STEAP4: variants seen among roughly 807,000 people sequenced by gnomAD.
The protein encoded by STEAP4 is STEAP4 metalloreductase, also known as metalloreductase STEAP4.
A neutral mutation model predicts 43.6 loss-of-function variants in STEAP4; 36 were observed. The observed-to-expected ratio is 0.83, with a 90% CI of 0.63 to 1.09. The LOEUF (loss-of-function observed/expected upper bound fraction) is 1.09. Among genes scored for constraint, STEAP4 ranks in the 50% least tolerant of loss-of-function variants. The probability of loss-of-function intolerance (pLI) is 0.00; values close to 1 mark genes in which losing one functional copy is unlikely to be tolerated. For missense variants in STEAP4, 495 were observed against 546.5 expected, an observed-to-expected ratio of 0.91 and a Z score of 0.94; for synonymous variants, 191 against 196.7, an observed-to-expected ratio of 0.97 and a Z score of 0.24.
intron 2 of STEAP4, 140 bp from the exon 3 acceptor site, chr7:88,283,308 A>T: frequency 1.1e-6 from 1 of 913,988 alleles, no homozygotes; most frequent in Non-Finnish European, 1.6e-6. Context: ...TAGAATTAAC[A>T]TATGTAACAA....
In STEAP4 at chr7:88,273,010, G is replaced by A. The variant is rs1201693277; in HGVS notation, c.*6388C>T. 6.6e-6 allele frequency: 1 copy of A among 152,178 alleles called. No homozygotes were observed. Among genetic ancestry groups the A allele is most frequent in the South Asian group, 2.1e-4 (1 of 4,828 alleles). The allele number at this position is 152,178 out of a possible 1,614,324, so 9.4% of individuals were successfully genotyped here. A position where few individuals can be genotyped will look rare whatever the true frequency, so the allele number is the denominator to read the frequency against. ...TTTCTAAAACTGACAAATAACAGTT[G>A]TACATATCCATGAGGTACATAGTCA... On this transcript the variant is annotated 3_prime_UTR_variant, in exon 5 of 5. Transcript: ENST00000380079.
intron 1 of STEAP4, among the ~76,000 whole-genome samples, chr7:88,305,914 AT>A (rs1215946761): frequency 6.6e-6 from 1 of 152,046 alleles, no homozygotes; most frequent in African/African-American, 2.4e-5. Flanking sequence ...CCCCTCCCCC[AT>A]TCTCTATCCA....
rs367676193 is a variant in STEAP4, at chr7:88,281,065, C to T, written c.999G>A (p.Lys333=). Residue 333 remains lysine, a synonymous_variant, in exon 4 of 5, where the codon AAG becomes AAA. Transcript: ENST00000380079. ...CTGAGGAGGTGCTAAATGGATTCTCCTTCTTGAGTATTGCCTAAGAAAAAT... is the reference window on the plus strand; with the variant it reads ...CTGAGGAGGTGCTAAATGGATTCTCTTTCTTGAGTATTGCCTAAGAAAAAT... ...NLTVTQAILK[K]ENPFSTSSAW... 4.5e-5 allele frequency: 72 copies of T among 1,587,444 alleles called. No homozygotes were observed. Among genetic ancestry groups the T allele is most frequent in the Non-Finnish European group, 6.1e-5 (72 of 1,171,318 alleles).
At chr7:88,282,218 G>A (rs43129) in intron 3 of STEAP4, 39,739 of 156,786 alleles carry the variant, frequency 0.25, 6,065 homozygotes, top group East Asian at 0.77. Context: ...GCACGATCTC[G>A]GCTCACTGCA....
rs56919832 is a variant in STEAP4, at chr7:88,286,581, G to A, written c.-2-2310C>T. 9.5e-3 allele frequency among the ~76,000 whole-genome samples: 1,445 copies of A among 152,184 alleles called. 20 individuals are homozygous for A. Among genetic ancestry groups the A allele is most frequent in the South Asian group, 0.058 (282 of 4,824 alleles). ...ATAACTCAGGGCTGGGCATGGAGGCGCACGCCTATAGTCCCAGCTACTCTG... is the reference window on the plus strand; with the variant it reads ...ATAACTCAGGGCTGGGCATGGAGGCACACGCCTATAGTCCCAGCTACTCTG... On this transcript the variant is annotated intron_variant, in intron 1 of 4. Coordinates refer to ENST00000380079, the MANE Select transcript of STEAP4 (RefSeq NM_024636.4).
chr7:88,306,022 C>T (rs1013525208), intron 1 of STEAP4, among the ~76,000 whole-genome samples: 7 of 152,198 alleles, frequency 4.6e-5, no homozygotes, highest in Non-Finnish European at 8.8e-5. Context: ...GCACCTGCCA[C>T]CACGCCTGGC....
In STEAP4 at chr7:88,285,688, C is replaced by T. The variant is rs114625171; in HGVS notation, c.-2-1417G>A. Among the ~76,000 whole-genome samples the T allele has an allele frequency of 5.4e-3, 788 of 147,108 alleles. 8 individuals carry two copies. Among genetic ancestry groups the T allele is most frequent in the African/African-American group, 0.018 (730 of 39,838 alleles). ...AAAATTAGCTGGGTGTGTTGACACG[C>T]GCCTGTAATCTCAGCTACTCAGGAG... On this transcript the variant is annotated intron_variant, in intron 1 of 4. Transcript: ENST00000380079.
At position 88,284,253 on chromosome 7, in the gene STEAP4, A is replaced by G. The variant is rs762602189; in HGVS notation, c.17T>C (p.Ile6Thr). ...ATTCATAGTAAGAGGAAGTGCATCT[A>G]TACAAGTTTTCTCCATAACTGAAAA... MEKTC[I>T]DALPLTMNSS... The change falls in exon 2 of 5, where the codon ATA (isoleucine) becomes ACA (threonine). Residue 6 changes from isoleucine (I) to threonine (T), a missense_variant. Transcript: ENST00000380079. 3 of 1,587,652 alleles carry G rather than the reference A, an allele frequency of 1.9e-6. No individual in the cohort carries two copies. The highest frequency in any genetic ancestry group is 2.7e-5 in the African/African-American group (2 of 73,928).
At chr7:88,305,737 T>C (rs1239567794) in intron 1 of STEAP4, among the ~76,000 whole-genome samples, 2 of 152,228 alleles carry the variant, frequency 1.3e-5, no homozygotes, top group Admixed American at 6.5e-5. Context: ...AGATTTTCTA[T>C]GTATTTCAAA....
At chr7:88,281,203 A>G in intron 3 of STEAP4, 124 bp from the exon 4 acceptor site, 1 of 730,300 alleles carries the variant, frequency 1.4e-6, no homozygotes, top group East Asian at 3.3e-5. Flanking sequence ...TTTCTTAAAA[A>G]TTATTTTAAA....
rs967519160 is a variant in STEAP4, at chr7:88,274,135, T to C, written c.*5263A>G. On this transcript the variant is annotated 3_prime_UTR_variant, in exon 5 of 5. Coordinates refer to ENST00000380079, the MANE Select transcript of STEAP4 (RefSeq NM_024636.4). ...CCTAGATCCCAGCTCTGCCTCTCAT[T>C]AGTTGTGTGAACTTAGTCAAAGTAC... is the stretch of plus-strand genomic sequence containing the variant. 2.0e-5 allele frequency: 3 copies of C among 152,342 alleles called. No individual in the cohort carries two copies. In the Middle Eastern group the frequency reaches 0.01, roughly 518 times the overall value. The allele number at this position is 152,342 out of a possible 1,614,324, so 9.4% of individuals were successfully genotyped here.
chr7:88,292,750 T>A (rs1233503933), intron 1 of STEAP4: 1 of 152,188 alleles, frequency 6.6e-6, no homozygotes, highest in Non-Finnish European at 1.5e-5. Flanking sequence ...TCTTTATCAC[T>A]ACAATTTGGT....
At position 88,279,483 on chromosome 7, in the gene STEAP4, A is replaced by C. The variant is rs747589677; in HGVS notation, c.1295T>G (p.Val432Gly). The change falls in exon 5 of 5, where the codon GTG becomes GGG. Residue 432 changes from valine (V) to glycine (G), a missense_variant. Transcript: ENST00000380079. ...LGLIIPCTVLVIKFVLIMPCV... is the reference protein window; with the variant it reads ...LGLIIPCTVLGIKFVLIMPCV... ...TGGCATGATTAGGACAAACTTGATC[A>C]CCAGCACAGTGCAAGGAATGATAAG... 100 of 1,614,046 alleles carry C rather than the reference A, an allele frequency of 6.2e-5. No homozygotes were observed. Among genetic ancestry groups the C allele is most frequent in the Non-Finnish European group, 8.4e-5 (99 of 1,180,040 alleles).
intron 1 of STEAP4, among the ~76,000 whole-genome samples, chr7:88,293,414 T>C (rs867236781): frequency 3.6e-5 from 5 of 138,466 alleles, no homozygotes; most frequent in Admixed American, 7.7e-5. Flanking sequence ...GCTTGTTTTT[T>C]TCATGTCTTA....
rs938545656 is a variant in STEAP4, at chr7:88,277,757, G to C, written c.*1641C>G. Reference sequence around the variant, plus strand: ...TGCCTGTAGTCCCAGCTACTCGGGAGGCTGATGAACAAGAATCACTTGAAC... The same window carrying C: ...TGCCTGTAGTCCCAGCTACTCGGGACGCTGATGAACAAGAATCACTTGAAC... On this transcript the variant is annotated 3_prime_UTR_variant, in exon 5 of 5. Coordinates refer to ENST00000380079, the MANE Select transcript of STEAP4 (RefSeq NM_024636.4). 6.6e-6 allele frequency: 1 copy of C among 152,218 alleles called. No individual in the cohort carries two copies. The highest frequency in any genetic ancestry group is 1.5e-5 in the Non-Finnish European group (1 of 68,090). 9.4% of individuals were successfully genotyped at this position (152,218 alleles called of 1,614,324 possible). A position where few individuals can be genotyped will look rare whatever the true frequency, so the allele number is the denominator to read the frequency against.
chr7:88,292,687 C>T (rs1441089023), intron 1 of STEAP4: 1 of 152,144 alleles, frequency 6.6e-6, no homozygotes, highest in Non-Finnish European at 1.5e-5. Context: ...TAGACCATCC[C>T]TCATGCTGCC....
chr7:88,273,725 C>T lies in STEAP4; in HGVS notation c.*5673G>A, dbSNP rs576914425. ...CTCCTTGACTGCCCCTTCGAGTCCTCAGGTCTGGGGATTTTACCTCCCTCC... is the reference window on the plus strand; with the variant it reads ...CTCCTTGACTGCCCCTTCGAGTCCTTAGGTCTGGGGATTTTACCTCCCTCC... On this transcript the variant is annotated 3_prime_UTR_variant, in exon 5 of 5. Coordinates refer to ENST00000380079, the MANE Select transcript of STEAP4 (RefSeq NM_024636.4). 13 of 152,272 alleles carry T rather than the reference C, an allele frequency of 8.5e-5. No homozygotes were observed. The highest frequency in any genetic ancestry group is 3.1e-4 in the African/African-American group (13 of 41,560). The allele number at this position is 152,272 out of a possible 1,614,324, so 9.4% of individuals were successfully genotyped here. A position where few individuals can be genotyped will look rare whatever the true frequency, so the allele number is the denominator to read the frequency against.
chr7:88,295,319 A>G (rs968057590), intron 1 of STEAP4, among the ~76,000 whole-genome samples: 4 of 152,118 alleles, frequency 2.6e-5, no homozygotes, highest in Non-Finnish European at 1.5e-5. Context: ...AAATACAAAT[A>G]ACTCTGCAAA....
rs1277429740 is a variant in STEAP4, at chr7:88,282,794, A to G, written c.831T>C (p.Arg277=). The G allele has an allele frequency of 1.2e-6, 2 of 1,614,168 alleles. No individual in the cohort carries two copies. Among genetic ancestry groups the G allele is most frequent in the East Asian group, 2.2e-5 (1 of 44,880 alleles). The part of the protein sequence containing the change: ...ILQLYRGTKY[R]RFPDWLDHWM... ...AGTGGTCAAGCCAGTCTGGGAATCG[A>G]CGGTATTTTGTGCCTCGGTACAGTT... The change falls in exon 3 of 5, where the codon CGT becomes CGC. Residue 277 remains arginine, a synonymous_variant. Transcript: ENST00000380079.
Sources: allele counts gnomAD v4.1 joint callset (sites outside exome capture counted in the v4.1 genomes callset), GRCh38; gene constraint gnomAD v4.1.1; transcripts MANE v1.5; gene names NCBI Gene and HGNC (gene_info 2026-07-23, HGNC 2026-07-21).